Variants in EHBP1 observed in about 807,000 individuals in gnomAD.
EHBP1 encodes the protein EH domain-binding protein 1.
In EHBP1, 55 loss-of-function variants were observed where a neutral mutation model predicts 144.0. The observed-to-expected ratio is 0.38, with a 90% CI of 0.31 to 0.48. EHBP1 has a LOEUF of 0.48. Among genes scored for constraint, EHBP1 ranks in the 20% least tolerant of loss-of-function variants. The probability of loss-of-function intolerance (pLI) is 0.98; values close to 1 mark genes in which losing one functional copy is unlikely to be tolerated. For synonymous variants in EHBP1, 469 were observed against 472.7 expected (o/e 0.99, Z 0.10); for missense variants, 1,200 against 1,364.2 (o/e 0.88, Z 1.90).
intron 2 of EHBP1, among the ~76,000 whole-genome samples, chr2:62,729,496 T>TACATAATAA (rs1253257484): frequency 3.6e-5 from 2 of 56,308 alleles, no homozygotes; most frequent in Admixed American, 4.5e-4. Context: ...AATATATAAA[T>TACATAATAA]ATATAATAAA....
intron 2 of EHBP1, 148 bp from the exon 3 acceptor site, chr2:62,747,247 A>G: frequency 1.7e-6 from 1 of 577,326 alleles, no homozygotes; most frequent in Non-Finnish European, 3.0e-6. Context: ...TCTGTAGTTA[A>G]CATCTACTAT....
chr2:62,684,392 G>A (rs2033647161), intron 1 of EHBP1, among the ~76,000 whole-genome samples: 1 of 152,192 alleles, frequency 6.6e-6, no homozygotes, highest in Non-Finnish European at 1.5e-5. Context: ...CCATTTTGGA[G>A]ATGAGTGAAT....
At chr2:62,825,473 A>G (rs779985589) in intron 5 of EHBP1, among the ~76,000 whole-genome samples, 11 of 152,032 alleles carry the variant, frequency 7.2e-5, no homozygotes, top group Non-Finnish European at 1.2e-4. Flanking sequence ...TGGGCATAGG[A>G]TCAGAAAGCC....
chr2:62,832,096 T>G (rs1041524725), intron 7 of EHBP1, among the ~76,000 whole-genome samples: 1 of 152,236 alleles, frequency 6.6e-6, no homozygotes, highest in Non-Finnish European at 1.5e-5. Flanking sequence ...TGTGTAAATT[T>G]TATTATTTTC....
At chr2:63,033,391 A>G (rs1435938969) in intron 19 of EHBP1, among the ~76,000 whole-genome samples, 1 of 152,216 alleles carries the variant, frequency 6.6e-6, no homozygotes, top group Non-Finnish European at 1.5e-5. Context: ...GGCTATGGCA[A>G]GATTTCAGCA....
At chr2:62,908,155 T>C (rs1479184701) in intron 10 of EHBP1, among the ~76,000 whole-genome samples, 1 of 152,186 alleles carries the variant, frequency 6.6e-6, no homozygotes, top group African/African-American at 2.4e-5. Context: ...AGGTAATTTT[T>C]GTGTGTGTGA....
chr2:62,838,269 A>G (rs947326914), intron 7 of EHBP1, among the ~76,000 whole-genome samples: 2 of 152,242 alleles, frequency 1.3e-5, no homozygotes, highest in African/African-American at 4.8e-5. Context: ...GAAGGCAGAA[A>G]TAAAGATGTT....
intron 7 of EHBP1, among the ~76,000 whole-genome samples, chr2:62,846,330 C>A (rs1245661210): frequency 1.3e-5 from 2 of 152,112 alleles, no homozygotes; most frequent in Non-Finnish European, 2.9e-5. Context: ...TTCAAAGTAC[C>A]TATATGAGTT....
chr2:62,909,004 C>CA (rs2054001664), intron 10 of EHBP1, among the ~76,000 whole-genome samples: 1 of 152,132 alleles, frequency 6.6e-6, no homozygotes, highest in South Asian at 2.1e-4. Context: ...ATATTTAACT[C>CA]AAAAGAGTTG....
intron 18 of EHBP1, among the ~76,000 whole-genome samples, chr2:62,996,357 G>C (rs1261349871): frequency 6.6e-6 from 1 of 152,040 alleles, no homozygotes; most frequent in Non-Finnish European, 1.5e-5. Flanking sequence ...TAACTCTAAG[G>C]AGAATTTTTT....
At chr2:62,729,375 TAATA>T (rs1324212229) in intron 2 of EHBP1, among the ~76,000 whole-genome samples, 1 of 121,632 alleles carries the variant, frequency 8.2e-6, no homozygotes, top group Non-Finnish European at 1.6e-5. Context: ...TATAATATAA[TAATA>T]AATATCATAT....
intron 16 of EHBP1, among the ~76,000 whole-genome samples, chr2:62,992,045 A>G (rs1028219370): frequency 6.6e-6 from 1 of 152,182 alleles, no homozygotes; most frequent in Non-Finnish European, 1.5e-5. Context: ...TAGATTGAAA[A>G]GGCTAACTGA....
chr2:62,768,863 T>G (rs192478371), intron 4 of EHBP1, among the ~76,000 whole-genome samples: 2 of 152,266 alleles, frequency 1.3e-5, no homozygotes, highest in African/African-American at 2.4e-5. Flanking sequence ...ATTCAACATA[T>G]GCAAGTCAAT....
chr2:62,781,809 A>G (rs1478824852), intron 5 of EHBP1, among the ~76,000 whole-genome samples: 1 of 152,210 alleles, frequency 6.6e-6, no homozygotes, highest in Non-Finnish European at 1.5e-5. Context: ...TGTGATGTTA[A>G]CTTTAAGATC....
chr2:62,831,195 T>G (rs749925446), intron 7 of EHBP1, 37 bp downstream of exon 7: 1 of 1,555,800 alleles, frequency 6.4e-7, no homozygotes, highest in Non-Finnish European at 8.6e-7. Flanking sequence ...AGTTTATCTT[T>G]TGTTGCAGAG....
intron 2 of EHBP1, among the ~76,000 whole-genome samples, chr2:62,713,033 C>T (rs981726073): frequency 6.6e-6 from 1 of 151,874 alleles, no homozygotes; most frequent in African/African-American, 2.4e-5. Context: ...TCTTTTGCAC[C>T]TTCCAGGTAT....
At chr2:62,743,730 A>G (rs2038918800) in intron 2 of EHBP1, among the ~76,000 whole-genome samples, 1 of 152,138 alleles carries the variant, frequency 6.6e-6, no homozygotes, top group East Asian at 1.9e-4. Context: ...CTTAGTTTTC[A>G]TACACAGTAG....
chr2:62,730,257 A>G (rs780463739), intron 2 of EHBP1, among the ~76,000 whole-genome samples: 34 of 152,264 alleles, frequency 2.2e-4, no homozygotes, highest in Middle Eastern at 3.4e-3. Flanking sequence ...AGTATCATAC[A>G]GAATATTTTC....
intron 16 of EHBP1, among the ~76,000 whole-genome samples, chr2:62,993,245 A>G (rs1351382871): frequency 2.0e-5 from 3 of 152,164 alleles, no homozygotes. Context: ...CTGATGACAC[A>G]GAATAGTGGG....
Sources: gnomAD v4.1 joint callset for allele counts (sites outside exome capture counted in the v4.1 genomes callset) on GRCh38, gnomAD v4.1.1 for gene constraint, MANE v1.5 for transcripts, NCBI Gene and HGNC (gene_info 2026-07-23, HGNC 2026-07-21) for gene names.